Variants in KDM2B observed in about 807,000 individuals in gnomAD.
KDM2B encodes lysine demethylase 2B.
KDM2B carries 26 observed loss-of-function variants against 150.0 expected under a neutral mutation model. The observed-to-expected ratio is 0.17, with a 90% confidence interval of 0.13 to 0.24. The LOEUF is 0.24. KDM2B is among the 10% of genes least tolerant of loss of function. The probability of loss-of-function intolerance (pLI) is 1.00; values close to 1 mark genes in which losing one functional copy is unlikely to be tolerated. For missense variants in KDM2B, 1,265 were observed against 1,816.9 expected (o/e 0.70, Z 5.52); for synonymous variants, 734 against 729.5 (o/e 1.01, Z -0.10).
chr12:121,534,678 G>A, intron 6 of KDM2B, 88 bp from the exon 7 acceptor site: 1 of 920,764 alleles, frequency 1.1e-6, no homozygotes, highest in Non-Finnish European at 1.7e-6. Context: ...CTGAACTGGT[G>A]CCCTTTTATA....
chr12:121,465,480 C>T (rs1271756184), intron 12 of KDM2B, among the ~76,000 whole-genome samples: 2 of 152,158 alleles, frequency 1.3e-5, no homozygotes, highest in Non-Finnish European at 1.5e-5. Flanking sequence ...GTGATCCACC[C>T]GCGTTGGCCT....
chr12:121,448,298 C>A (rs547575821), intron 13 of KDM2B, among the ~76,000 whole-genome samples: 1 of 117,144 alleles, frequency 8.5e-6, no homozygotes, highest in African/African-American at 3.5e-5. Context: ...CCAGCCTGAG[C>A]GACACAGCAA....
intron 4 of KDM2B, among the ~76,000 whole-genome samples, chr12:121,563,405 G>A (rs1594135937): frequency 6.6e-6 from 1 of 151,976 alleles, no homozygotes; most frequent in Middle Eastern, 3.4e-3. Flanking sequence ...CCAGGAGTTC[G>A]AGACCAGCCT....
intron 8 of KDM2B, among the ~76,000 whole-genome samples, chr12:121,528,427 C>T (rs1324864644): frequency 2.0e-5 from 3 of 152,040 alleles, no homozygotes; most frequent in South Asian, 2.1e-4. Context: ...GGCCCGGTAG[C>T]GTACGCTTGT....
chr12:121,419,579 G>GA, the KDM2B span, among the ~76,000 whole-genome samples: 15 of 134,586 alleles, frequency 1.1e-4, no homozygotes, highest in African/African-American at 4.2e-4. Flanking sequence ...TGGCAATCAG[G>GA]GTGGAATATT....
chr12:121,488,080 G>C (rs1555299253), intron 12 of KDM2B, among the ~76,000 whole-genome samples: 1 of 152,066 alleles, frequency 6.6e-6, no homozygotes, highest in Non-Finnish European at 1.5e-5. Context: ...ATCCTACCTA[G>C]CTAAAGCAGC....
chr12:121,516,548 A>G (rs1555305029), intron 9 of KDM2B: 3 of 1,445,100 alleles, frequency 2.1e-6, no homozygotes, highest in Non-Finnish European at 2.7e-6. Flanking sequence ...ACGGTTGCTC[A>G]ACATTATTTG....
rs1223597913 is a variant in KDM2B, at chr12:121,578,893, C to T, written c.180G>A (p.Glu60=). The T allele has an allele frequency of 6.2e-7, 1 of 1,613,080 alleles. No individual in the cohort carries two copies. The highest frequency in any genetic ancestry group is 1.3e-5 in the African/African-American group (1 of 74,900). ...TGAAGCCGCGGACGCTGACGATCTC[C>T]TCCACGTCCGACAAGTCCTCGTTCT... The part of the protein sequence containing the change: ...YDENEDLSDV[E]EIVSVRGFSL... Residue 60 remains glutamate, a synonymous_variant, in exon 2 of 23, where the codon GAG becomes GAA. Transcript: ENST00000377071.
At position 121,458,736 on chromosome 12, in the gene KDM2B, G is replaced by A. The variant is rs570673192; in HGVS notation, c.1735-5392C>T. Among the ~76,000 whole-genome samples the A allele has an allele frequency of 3.8e-4, 58 of 151,992 alleles. No individual in the cohort carries two copies. The South Asian group carries it at 1.0e-2, about 26-fold the overall frequency. On this transcript the variant is annotated intron_variant, in intron 12 of 22. Transcript: ENST00000377071. ...GAATCACTTGAACCCAGTGGGTGGA[G>A]GTTACAGTGAGCCAAGATCATGACA...
chr12:121,549,053 G>T lies in KDM2B; in HGVS notation c.577-70C>A. ...GCCAGACACAAATACCCCTTTCCCC[G>T]GAGAGTCCTTGGGCCCCCCCGCTCC... On this transcript the variant is annotated intron_variant, in intron 5 of 22. Transcript: ENST00000377071. This position sits in a 1 kb window ranked among gnomAD's most constrained non-coding sequence, Gnocchi z 4.4. The T allele has an allele frequency of 2.3e-6, 3 of 1,314,376 alleles. No individual in the cohort carries two copies. Among genetic ancestry groups the T allele is most frequent in the Non-Finnish European group, 3.3e-6 (3 of 915,578 alleles). The allele number at this position is 1,314,376 out of a possible 1,614,324, so 81.4% of individuals were successfully genotyped here. A position where few individuals can be genotyped will look rare whatever the true frequency, so the allele number is the denominator to read the frequency against.
At chr12:121,494,286 G>C in intron 12 of KDM2B, 2 of 360,304 alleles carry the variant, frequency 5.6e-6, no homozygotes, top group Non-Finnish European at 1.0e-5. Context: ...GCAAGGGAGT[G>C]AGGGAAGGAG....
intron 12 of KDM2B, 60 bp downstream of exon 12, chr12:121,494,519 C>T (rs782063180): frequency 3.6e-6 from 5 of 1,371,118 alleles, no homozygotes; most frequent in Non-Finnish European, 5.1e-6. Context: ...GCTGTTCACC[C>T]TACAGGAGGT....
chr12:121,575,193 A>AC lies in KDM2B; in HGVS notation c.350+587dup, dbSNP rs1394367218. 1.3e-5 allele frequency among the ~76,000 whole-genome samples: 2 copies of AC among 152,054 alleles called. 1 individual carries two copies. Among genetic ancestry groups the AC allele is most frequent in the Non-Finnish European group, 2.9e-5 (2 of 67,990 alleles). On this transcript the variant is annotated intron_variant, in intron 3 of 22. Transcript: ENST00000377071. The surrounding 1 kb of genome is among the most constrained non-coding windows in gnomAD (Gnocchi z 4.4). Reference sequence around the variant, plus strand: ...CTGGAGAGAGGCTGCCTGGGACGACACCCCAAGCCTCCTCCCCTGCCCCTG... The same window carrying AC: ...CTGGAGAGAGGCTGCCTGGGACGACACCCCCAAGCCTCCTCCCCTGCCCCTG...
chr12:121,534,125 G>C (rs1300638274), intron 7 of KDM2B, among the ~76,000 whole-genome samples: 1 of 152,110 alleles, frequency 6.6e-6, no homozygotes, highest in East Asian at 1.9e-4. Flanking sequence ...CAAGGCGGGC[G>C]GATCACGAGG....
chr12:121,562,149 G>A lies in KDM2B; in HGVS notation c.397+12398C>T, dbSNP rs117775812. ...CAAGCCACTGCACTCCAACATGGGT[G>A]ACTTTTTTTCCATGACTCTGTCTTG... On this transcript the variant is annotated intron_variant, in intron 4 of 22. Transcript: ENST00000377071. Among the ~76,000 whole-genome samples, 166 of 151,426 alleles carry A rather than the reference G, an allele frequency of 1.1e-3. 3 individuals carry two copies. In the East Asian group the frequency reaches 0.025, roughly 22 times the overall value.
chr12:121,558,444 CT>C (rs1362976704), intron 4 of KDM2B, among the ~76,000 whole-genome samples: 4 of 144,674 alleles, frequency 2.8e-5, no homozygotes, highest in African/African-American at 1.1e-4. Flanking sequence ...CCTGTGTTTC[CT>C]TTTCTTTTTC....
chr12:121,535,185 C>G (rs1887984880), intron 6 of KDM2B, among the ~76,000 whole-genome samples: 1 of 148,212 alleles, frequency 6.7e-6, no homozygotes, highest in Admixed American at 6.8e-5. Context: ...CCTAAAGAAG[C>G]AATGCACAGG....
chr12:121,420,274 A>T, the KDM2B span: 120 of 1,604,378 alleles, frequency 7.5e-5, 2 homozygotes, highest in South Asian at 9.2e-4. Flanking sequence ...CAAACACAGA[A>T]GATGATGATG....
intron 22 of KDM2B, among the ~76,000 whole-genome samples, chr12:121,436,520 C>CAA (rs34346956): frequency 2.0e-4 from 23 of 114,402 alleles, no homozygotes; most frequent in Non-Finnish European, 3.2e-4. Flanking sequence ...GACTCCATCT[C>CAA]AAAAAAAAAA....
Sources: gnomAD v4.1 joint callset for allele counts (sites outside exome capture counted in the v4.1 genomes callset) on GRCh38, gnomAD v4.1.1 for gene constraint, Gnocchi (gnomAD v3.1) non-coding constraint, MANE v1.5 for transcripts, NCBI Gene and HGNC (gene_info 2026-07-23, HGNC 2026-07-21) for gene names.